Variants in MYRIP observed in about 807,000 individuals in gnomAD.
MYRIP encodes myosin VIIA and Rab interacting protein.
A neutral mutation model predicts 98.0 loss-of-function variants in MYRIP; 49 were observed. That is an observed-to-expected ratio of 0.50 (90% CI 0.40 to 0.63). The LOEUF is 0.63. Ranked by LOEUF, MYRIP falls within the 30% of genes least tolerant of loss-of-function variation. The pLI, the probability that MYRIP is intolerant of heterozygous loss-of-function variation, is 0.00. For synonymous variants in MYRIP, 404 were observed against 409.5 expected (o/e 0.99, Z 0.16); for missense variants, 1,004 against 1,058.2 (o/e 0.95, Z 0.71).
At chr3:39,980,856 G>A (rs2125758510) in intron 2 of MYRIP, among the ~76,000 whole-genome samples, 1 of 152,272 alleles carries the variant, frequency 6.6e-6, no homozygotes, top group South Asian at 2.1e-4. Flanking sequence ...AAGACAGAAA[G>A]TAGGATGGTA....
chr3:40,096,315 C>T (rs1052490458), intron 3 of MYRIP, among the ~76,000 whole-genome samples: 21 of 152,178 alleles, frequency 1.4e-4, no homozygotes, highest in African/African-American at 4.6e-4. Context: ...GGATGAAACC[C>T]GGCTCTCTGG....
chr3:40,009,589 C>A (rs1946712574), intron 2 of MYRIP, among the ~76,000 whole-genome samples: 1 of 152,138 alleles, frequency 6.6e-6, no homozygotes, highest in Non-Finnish European at 1.5e-5. Context: ...CTGAGCAGCC[C>A]TGCTGAAAAG....
chr3:40,091,827 A>C (rs1472505517), intron 3 of MYRIP, among the ~76,000 whole-genome samples: 1 of 152,192 alleles, frequency 6.6e-6, no homozygotes, highest in Admixed American at 6.5e-5. Context: ...AATTCAAACA[A>C]GATAAATGCT....
intron 2 of MYRIP, among the ~76,000 whole-genome samples, chr3:39,999,529 G>A (rs1222526288): frequency 1.3e-5 from 2 of 152,180 alleles, no homozygotes; most frequent in African/African-American, 2.4e-5. Flanking sequence ...GAAAAAATAG[G>A]TGCTGGAGAG....
chr3:40,244,633 T>A, intron 13 of MYRIP, 26 bp downstream of exon 13: 2 of 1,597,596 alleles, frequency 1.3e-6, no homozygotes, highest in Non-Finnish European at 1.7e-6. Context: ...TCTGCCCACA[T>A]GGGTCCTGCA....
intron 9 of MYRIP, among the ~76,000 whole-genome samples, chr3:40,185,417 T>C (rs1951004955): frequency 6.6e-6 from 1 of 152,116 alleles, no homozygotes; most frequent in Admixed American, 6.5e-5. Flanking sequence ...CAGTGAGAGT[T>C]AGTTGTCTGC....
intron 1 of MYRIP, among the ~76,000 whole-genome samples, chr3:39,878,436 G>A (rs563669062): frequency 2.2e-4 from 33 of 152,230 alleles, no homozygotes; most frequent in African/African-American, 6.7e-4. Flanking sequence ...CATCTTCTGC[G>A]TCACTCATGC....
At chr3:40,128,018 C>G (rs538717758) in intron 3 of MYRIP, among the ~76,000 whole-genome samples, 1 of 152,270 alleles carries the variant, frequency 6.6e-6, no homozygotes, top group South Asian at 2.1e-4. Flanking sequence ...TCTGAAAAAC[C>G]TAGAATGCTT....
At chr3:40,069,218 C>T (rs1948177150) in intron 3 of MYRIP, among the ~76,000 whole-genome samples, 2 of 152,064 alleles carry the variant, frequency 1.3e-5, no homozygotes, top group South Asian at 2.1e-4. Context: ...ATCTCTTCTC[C>T]CCCCATATCC....
intron 2 of MYRIP, among the ~76,000 whole-genome samples, chr3:39,930,610 T>C (rs1274100906): frequency 1.3e-5 from 2 of 152,040 alleles, no homozygotes; most frequent in Non-Finnish European, 2.9e-5. Context: ...TATCCAAGGT[T>C]GTAAAGATTT....
At position 39,837,075 on chromosome 3, in the gene MYRIP, A is replaced by G. The variant is rs116379399; in HGVS notation, c.-31+27159A>G. 4.9e-3 allele frequency among the ~76,000 whole-genome samples: 739 copies of G among 152,294 alleles called. 8 individuals are homozygous for G. The highest frequency in any genetic ancestry group is 0.017 in the African/African-American group (704 of 41,556). On this transcript the variant is annotated intron_variant, in intron 1 of 16. Transcript: ENST00000302541. Reference sequence around the variant, plus strand: ...AGCTATGTAACCTTTCGGCCTTCCAAAAAGGTTTGTGACTATTCCCCATAA... The same window carrying G: ...AGCTATGTAACCTTTCGGCCTTCCAGAAAGGTTTGTGACTATTCCCCATAA...
intron 3 of MYRIP, among the ~76,000 whole-genome samples, chr3:40,077,566 A>ATTGG (rs1439905776): frequency 6.6e-6 from 1 of 152,202 alleles, no homozygotes. Context: ...CAGAGTGTCA[A>ATTGG]TTGGTGCATT....
In MYRIP at chr3:39,836,004, T is replaced by A. The variant is rs573819104; in HGVS notation, c.-31+26088T>A. On this transcript the variant is annotated intron_variant, in intron 1 of 16. Transcript: ENST00000302541. ...TATTCAGTCTAACATTGATGGGCATTTGGGTTGGTTCCAAGTTTTTGCTAT... is the reference window on the plus strand; with the variant it reads ...TATTCAGTCTAACATTGATGGGCATATGGGTTGGTTCCAAGTTTTTGCTAT... 7.9e-5 allele frequency among the ~76,000 whole-genome samples: 12 copies of A among 152,328 alleles called. No individual in the cohort carries two copies. In the South Asian group the frequency reaches 1.0e-3, roughly 13 times the overall value.
intron 2 of MYRIP, among the ~76,000 whole-genome samples, chr3:40,038,195 G>C (rs1198299288): frequency 2.0e-5 from 3 of 152,044 alleles, no homozygotes; most frequent in Admixed American, 6.6e-5. Flanking sequence ...TATAAAATAT[G>C]TAAGAATAAA....
At chr3:40,089,709 G>A (rs1230444160) in intron 3 of MYRIP, among the ~76,000 whole-genome samples, 1 of 152,172 alleles carries the variant, frequency 6.6e-6, no homozygotes, top group Admixed American at 6.5e-5. Context: ...TTATATGTTT[G>A]TTCCAAGGGA....
intron 11 of MYRIP, among the ~76,000 whole-genome samples, chr3:40,223,097 C>A (rs1184858002): frequency 6.6e-6 from 1 of 152,162 alleles, no homozygotes; most frequent in African/African-American, 2.4e-5. Context: ...GTTAAAACTG[C>A]AGATCTCCAA....
At chr3:39,853,600 ATTAT>A (rs1391366749) in intron 1 of MYRIP, among the ~76,000 whole-genome samples, 1 of 151,306 alleles carries the variant, frequency 6.6e-6, no homozygotes, top group African/African-American at 2.4e-5. Flanking sequence ...TTTTGATGGG[ATTAT>A]TTGTTTTTTT....
At chr3:39,927,912 TA>T (rs1944454269) in intron 2 of MYRIP, among the ~76,000 whole-genome samples, 1 of 151,966 alleles carries the variant, frequency 6.6e-6, no homozygotes, top group African/African-American at 2.4e-5. Flanking sequence ...ATTCACCACA[TA>T]AACAGAATTA....
intron 1 of MYRIP, among the ~76,000 whole-genome samples, chr3:39,839,061 G>A (rs973946831): frequency 6.6e-6 from 1 of 151,834 alleles, no homozygotes; most frequent in Admixed American, 6.6e-5. Context: ...TTTTTATTGT[G>A]TCTATTTGAT....
Sources: allele counts gnomAD v4.1 joint callset (sites outside exome capture counted in the v4.1 genomes callset), GRCh38; gene constraint gnomAD v4.1.1; transcripts MANE v1.5; gene names NCBI Gene and HGNC (gene_info 2026-07-23, HGNC 2026-07-21).